PHLDB2: variants seen among roughly 807,000 people sequenced by gnomAD.
PHLDB2 encodes pleckstrin homology like domain family B member 2.
In PHLDB2, 71 loss-of-function variants were observed where a neutral mutation model predicts 123.6. The ratio of observed to expected loss-of-function variants is 0.57; its 90% CI spans 0.47 to 0.70. The LOEUF (loss-of-function observed/expected upper bound fraction) is 0.70. Among genes scored for constraint, PHLDB2 ranks in the 30% least tolerant of loss-of-function variants. The pLI is 0.00. For missense variants in PHLDB2, 1,446 were observed against 1,519.5 expected, an observed-to-expected ratio of 0.95 and a Z score of 0.80; for synonymous variants, 547 against 541.6, an observed-to-expected ratio of 1.01 and a Z score of -0.14.
chr3:111,961,071 G>A (rs1438090016), intron 12 of PHLDB2, among the ~76,000 whole-genome samples: 1 of 152,178 alleles, frequency 6.6e-6, no homozygotes, highest in Admixed American at 6.5e-5. Flanking sequence ...GGTGGCTCAC[G>A]CCTGTAATCC....
Position 111,884,967 on chromosome 3 carries a change from A to T in PHLDB2, c.890A>T (p.Asp297Val). Reference protein sequence around the residue: ...GEKDLPHSVIDNDNYLNFSSL... With the variant: ...GEKDLPHSVIVNDNYLNFSSL... ...AAGGATCTACCTCATAGCGTAATAG[A>T]CAATGACAATTACCTTAATTTTTCT... is the stretch of plus-strand genomic sequence containing the variant. The change falls in exon 2 of 18, where the codon GAC becomes GTC. Residue 297 changes from aspartate to valine, a missense_variant. Coordinates refer to ENST00000431670, the MANE Select transcript of PHLDB2 (RefSeq NM_001134438.2). The T allele has an allele frequency of 6.2e-7, 1 of 1,614,082 alleles. No homozygotes were observed. The highest frequency in any genetic ancestry group is 8.5e-7 in the Non-Finnish European group (1 of 1,179,960).
chr3:111,856,495 C>T (rs938300948), upstream of PHLDB2, among the ~76,000 whole-genome samples: 6 of 152,218 alleles, frequency 3.9e-5, no homozygotes, highest in East Asian at 1.9e-4. Context: ...GGAAGAATAC[C>T]GGATACGTAT....
rs5851789 is a variant in PHLDB2, at chr3:111,818,165, GGTGT to G, written c.-48-27627_-48-27624del. Among the ~76,000 whole-genome samples the G allele has an allele frequency of 4.8e-3, 716 of 147,700 alleles. 4 individuals carry two copies. Among genetic ancestry groups the G allele is most frequent in the African/African-American group, 0.015 (613 of 40,092 alleles). ...TTAAAAAGAAATTTTTTAAAAAACT[GGTGT>G]GTGTGTGTGTGTGTGTGTGTGTGTG... On this transcript the variant is annotated intron_variant, in intron 1 of 17. Coordinates refer to the PHLDB2 transcript ENST00000393923.
intron 1 of PHLDB2, among the ~76,000 whole-genome samples, chr3:111,876,246 C>A (rs907163568): frequency 6.6e-6 from 1 of 152,062 alleles, no homozygotes; most frequent in South Asian, 2.1e-4. Context: ...ACAGAGGAGA[C>A]CAATGTTGAT....
chr3:111,932,402 G>A lies in PHLDB2; in HGVS notation c.2130+5G>A. The A allele has an allele frequency of 1.3e-6, 2 of 1,545,866 alleles. No homozygotes were observed. Among genetic ancestry groups the A allele is most frequent in the Middle Eastern group, 1.7e-4 (1 of 5,970 alleles). ...TTACAACAACAACTGAAGAGGGTCA[G>A]TAGCAAACAGGAATGCACCAGTTAT... On this transcript the variant is annotated splice_donor_5th_base_variant and intron_variant, in intron 6 of 17. Coordinates refer to ENST00000431670, the MANE Select transcript of PHLDB2 (RefSeq NM_001134438.2).
chr3:111,926,435 G>A (rs190654034), intron 5 of PHLDB2, among the ~76,000 whole-genome samples: 160 of 152,226 alleles, frequency 1.1e-3, no homozygotes, highest in Non-Finnish European at 1.7e-3. Context: ...AGCCCTTCCC[G>A]TGCCTCTTTC....
intron 1 of PHLDB2, among the ~76,000 whole-genome samples, chr3:111,882,228 A>G (rs2065966564): frequency 6.6e-6 from 1 of 152,048 alleles, no homozygotes; most frequent in Non-Finnish European, 1.5e-5. Flanking sequence ...GGATCCATCT[A>G]TTTCCTTGTT....
At chr3:111,836,712 C>CA (rs898008035) in intron 1 of PHLDB2, among the ~76,000 whole-genome samples, 3 of 152,022 alleles carry the variant, frequency 2.0e-5, no homozygotes, top group Admixed American at 2.0e-4. Context: ...ACAATTGTGG[C>CA]AAAAAGTGAA....
At chr3:111,896,045 G>C (rs560397206) in intron 2 of PHLDB2, among the ~76,000 whole-genome samples, 3 of 152,178 alleles carry the variant, frequency 2.0e-5, no homozygotes, top group South Asian at 2.1e-4. Context: ...GTCCAGGCTG[G>C]AGTACAGTGG....
intron 1 of PHLDB2, among the ~76,000 whole-genome samples, chr3:111,807,099 A>G (rs951395052): frequency 6.6e-6 from 1 of 151,492 alleles, no homozygotes; most frequent in East Asian, 1.9e-4. Flanking sequence ...CTAGAATAGG[A>G]AAAAAATAAA....
At chr3:111,967,584 T>G in intron 14 of PHLDB2, 94 bp from the exon 15 acceptor site, 2 of 1,316,510 alleles carry the variant, frequency 1.5e-6, no homozygotes, top group African/African-American at 3.0e-5. Context: ...AAACCAAGAT[T>G]TGTCTAGTAA....
intron 1 of PHLDB2, among the ~76,000 whole-genome samples, chr3:111,783,295 C>A (rs2060552524): frequency 6.6e-6 from 1 of 152,068 alleles, no homozygotes. Flanking sequence ...TTATAATATT[C>A]TTTCTGAAAT....
intron 2 of PHLDB2, among the ~76,000 whole-genome samples, chr3:111,847,060 C>A (rs1047072521): frequency 1.3e-5 from 2 of 152,010 alleles, no homozygotes; most frequent in African/African-American, 4.8e-5. Context: ...TCCCTCCTTG[C>A]AGGAAGAGGA....
chr3:111,745,196 C>T (rs2059662591), intron 1 of PHLDB2, among the ~76,000 whole-genome samples: 1 of 152,016 alleles, frequency 6.6e-6, no homozygotes. Context: ...TTAGTGATTA[C>T]AATTATTAGT....
At chr3:111,872,644 A>G (rs1407325132) in intron 1 of PHLDB2, among the ~76,000 whole-genome samples, 1 of 152,112 alleles carries the variant, frequency 6.6e-6, no homozygotes, top group African/African-American at 2.4e-5. Flanking sequence ...TTCAAAATAC[A>G]CGACTGATGA....
chr3:111,761,503 C>T (rs2059993766), intron 1 of PHLDB2, among the ~76,000 whole-genome samples: 2 of 152,186 alleles, frequency 1.3e-5, no homozygotes, highest in Non-Finnish European at 2.9e-5. Flanking sequence ...AAGGCAGAAA[C>T]TCAGAAGAGA....
chr3:111,885,217 G>A lies in PHLDB2; in HGVS notation c.1140G>A (p.Arg380=), dbSNP rs535288937. ...AGTCAGACAGAGTTTTTGCGACCAG[G>A]AGGAACTTCTCTTGTGGATCTGTGG... The part of the protein sequence containing the change: ...AGESDRVFAT[R]RNFSCGSVEF... The change falls in exon 2 of 18, where the codon AGG becomes AGA. Residue 380 remains arginine (R), a synonymous_variant. Transcript: ENST00000431670. 23 of 1,614,132 alleles carry A rather than the reference G, an allele frequency of 1.4e-5. No homozygotes were observed. The South Asian group carries it at 2.4e-4, about 17-fold the overall frequency.
intron 1 of PHLDB2, among the ~76,000 whole-genome samples, chr3:111,743,361 T>C (rs371403173): frequency 4.8e-4 from 73 of 152,336 alleles, no homozygotes; most frequent in African/African-American, 1.7e-3. Flanking sequence ...ACTGGAGACT[T>C]AATTTAGAAA....
At chr3:111,845,766 C>T in intron 1 of PHLDB2, 1 of 1,586,624 alleles carries the variant, frequency 6.3e-7, no homozygotes, top group Non-Finnish European at 8.6e-7. Context: ...CTTGAGTTTT[C>T]AGAGGTCAAT....
Sources: gnomAD v4.1 joint callset for allele counts (sites outside exome capture counted in the v4.1 genomes callset) on GRCh38, gnomAD v4.1.1 for gene constraint, MANE v1.5 for transcripts, NCBI Gene and HGNC (gene_info 2026-07-23, HGNC 2026-07-21) for gene names.